The following KALRN variants were observed in gnomAD, a reference collection of about 807,000 sequenced individuals.
The protein encoded by KALRN is kalirin RhoGEF kinase, also known as kalirin.
A neutral mutation model predicts 353.7 loss-of-function variants in KALRN; 70 were observed. The observed-to-expected ratio is 0.20, with a 90% CI of 0.16 to 0.24. KALRN has a LOEUF of 0.24. Ranked by LOEUF, KALRN falls within the 10% of genes least tolerant of loss-of-function variation. The probability of loss-of-function intolerance (pLI) is 1.00; values close to 1 mark genes in which losing one functional copy is unlikely to be tolerated. For synonymous variants in KALRN, 1,391 were observed against 1,434.8 expected, an observed-to-expected ratio of 0.97 and a Z score of 0.69; for missense variants, 2,791 against 3,756.7, an observed-to-expected ratio of 0.74 and a Z score of 6.72.
chr3:124,057,659 G>A (rs751522048), intron 1 of KALRN, among the ~76,000 whole-genome samples: 5 of 152,106 alleles, frequency 3.3e-5, no homozygotes, highest in Admixed American at 1.3e-4. Context: ...CCTGGGTGGT[G>A]GAGCCCAGTG....
At chr3:124,633,639 GT>G (rs1554059431) in intron 35 of KALRN, among the ~76,000 whole-genome samples, 1 of 64,864 alleles carries the variant, frequency 1.5e-5, no homozygotes, top group Non-Finnish European at 2.6e-5. Context: ...TTTTGGGGGT[GT>G]GTGTGTGTGT....
chr3:124,551,059 A>T (rs910487963), intron 33 of KALRN, among the ~76,000 whole-genome samples: 2 of 152,186 alleles, frequency 1.3e-5, no homozygotes, highest in Non-Finnish European at 2.9e-5. Flanking sequence ...GTTCAAGGGA[A>T]CAGTACAAAG....
At chr3:124,039,733 G>A (rs746264605) in intron 1 of KALRN, among the ~76,000 whole-genome samples, 5 of 152,060 alleles carry the variant, frequency 3.3e-5, no homozygotes, top group Non-Finnish European at 4.4e-5. Context: ...AAAGGGAGGA[G>A]TCTCTTACTT....
chr3:124,680,015 T>C (rs2087607336), intron 51 of KALRN, among the ~76,000 whole-genome samples: 1 of 152,164 alleles, frequency 6.6e-6, no homozygotes. Flanking sequence ...TCCAGAAAAA[T>C]AACGGGTGAA....
At chr3:124,329,803 C>T in intron 7 of KALRN, 58 bp from the exon 8 acceptor site, 1 of 1,575,922 alleles carries the variant, frequency 6.3e-7, no homozygotes, top group Non-Finnish European at 8.6e-7. Context: ...TCTCCATAAT[C>T]CACCCAACTC....
chr3:124,630,669 T>C (rs2080670267), intron 34 of KALRN, among the ~76,000 whole-genome samples: 1 of 152,184 alleles, frequency 6.6e-6, no homozygotes, highest in South Asian at 2.1e-4. Context: ...GTCTGCAGTT[T>C]CTTCTTCTGT....
chr3:124,541,173 G>A (rs1577837723), intron 33 of KALRN, among the ~76,000 whole-genome samples: 1 of 152,144 alleles, frequency 6.6e-6, no homozygotes, highest in East Asian at 1.9e-4. Context: ...GATTCAGCTG[G>A]GCATGGTGGC....
chr3:124,706,152 C>T (rs371579574), intron 57 of KALRN, among the ~76,000 whole-genome samples: 9 of 152,192 alleles, frequency 5.9e-5, no homozygotes, highest in African/African-American at 2.2e-4. Flanking sequence ...AGCAGTCCTC[C>T]CGCCTTGGCC....
intron 51 of KALRN, among the ~76,000 whole-genome samples, chr3:124,691,965 C>A (rs2061836996): frequency 1.3e-5 from 2 of 152,200 alleles, no homozygotes; most frequent in South Asian, 4.1e-4. Context: ...ACTCCCCCAT[C>A]CCACCCCAGA....
intron 33 of KALRN, among the ~76,000 whole-genome samples, chr3:124,510,269 A>T (rs2065751529): frequency 6.6e-6 from 1 of 152,220 alleles, no homozygotes; most frequent in Non-Finnish European, 1.5e-5. Context: ...TCCAGGCAAG[A>T]TTCGTGTTGG....
intron 28 of KALRN, among the ~76,000 whole-genome samples, chr3:124,484,688 C>A (rs1054769089): frequency 6.6e-6 from 1 of 152,230 alleles, no homozygotes; most frequent in Non-Finnish European, 1.5e-5. Flanking sequence ...CCATTCTTTA[C>A]GTGTGGCTAT....
At chr3:124,691,796 GC>G (rs140071814) in intron 51 of KALRN, among the ~76,000 whole-genome samples, 1,537 of 152,284 alleles carry the variant, frequency 0.01, 22 homozygotes, top group African/African-American at 0.034. Flanking sequence ...CCTCTTTAGT[GC>G]CCCCCTACAG....
intron 9 of KALRN, among the ~76,000 whole-genome samples, chr3:124,339,556 ACAGG>A (rs1029227428): frequency 6.6e-6 from 1 of 152,196 alleles, no homozygotes; most frequent in African/African-American, 2.4e-5. Flanking sequence ...GCTGGGTGGT[ACAGG>A]CAGCCTAGGA....
chr3:124,546,216 T>C (rs1376155254), intron 33 of KALRN, among the ~76,000 whole-genome samples: 2 of 150,602 alleles, frequency 1.3e-5, no homozygotes, highest in African/African-American at 2.5e-5. Flanking sequence ...TCCTGGTAAT[T>C]TGGGAGGTGG....
chr3:124,670,707 C>T (rs948513213), intron 47 of KALRN, among the ~76,000 whole-genome samples: 2 of 152,214 alleles, frequency 1.3e-5, no homozygotes, highest in East Asian at 1.9e-4. Context: ...ATGACATAAT[C>T]GGCCAACCTT....
intron 59 of KALRN, among the ~76,000 whole-genome samples, chr3:124,718,338 G>T (rs1226559663): frequency 6.6e-6 from 1 of 151,218 alleles, no homozygotes; most frequent in Non-Finnish European, 1.5e-5. Context: ...GGCTAGGATG[G>T]TCTCGAACTC....
Position 124,490,761 on chromosome 3 carries a change from G to T in KALRN, c.4464G>T (p.Pro1488=). Reference sequence around the variant, plus strand: ...AGGATGCCTTTCAAGTGTGGGACCCGAAGTCGCTGATCCGGAAGGGGCGGG... The same window carrying T: ...AGGATGCCTTTCAAGTGTGGGACCCTAAGTCGCTGATCCGGAAGGGGCGGG... ...ILQDAFQVWD[P]KSLIRKGRER... is the part of the protein sequence containing the mutation. The change falls in exon 30 of 60, where the codon CCG becomes CCT. Residue 1488 remains proline, a synonymous_variant. Transcript: ENST00000682506. The T allele has an allele frequency of 1.9e-6, 3 of 1,613,896 alleles. No homozygotes were observed. The highest frequency in any genetic ancestry group is 2.5e-6 in the Non-Finnish European group (3 of 1,179,844).
chr3:124,518,896 T>C (rs554435890), intron 33 of KALRN: 1 of 1,014,112 alleles, frequency 9.9e-7, no homozygotes, highest in East Asian at 9.2e-5. Flanking sequence ...ACATTTCTAT[T>C]ATCAGTGGCC....
chr3:124,287,252 C>T (rs989646428), intron 5 of KALRN, among the ~76,000 whole-genome samples: 4 of 152,124 alleles, frequency 2.6e-5, no homozygotes, highest in Admixed American at 6.5e-5. Flanking sequence ...TATGCCCCAC[C>T]TCTCATACCT....
Sources: allele counts gnomAD v4.1 joint callset (sites outside exome capture counted in the v4.1 genomes callset), GRCh38; gene constraint gnomAD v4.1.1; transcripts MANE v1.5; gene names NCBI Gene and HGNC (gene_info 2026-07-23, HGNC 2026-07-21).